The following PDGFRL variants were observed in gnomAD, a reference collection of about 807,000 sequenced individuals.
The protein encoded by PDGFRL is platelet-derived growth factor receptor-like protein.
Under a neutral mutation model 37.2 loss-of-function variants are expected in PDGFRL, and 46 were observed. That is an observed-to-expected ratio of 1.24 (90% CI 0.98 to 1.58). The LOEUF is 1.58. Among genes scored for constraint, PDGFRL ranks in the 40% most tolerant of loss-of-function variants. The pLI is 0.00. For synonymous variants in PDGFRL, 251 were observed against 184.3 expected, an observed-to-expected ratio of 1.36 and a Z score of -2.93; for missense variants, 692 against 467.6, an observed-to-expected ratio of 1.48 and a Z score of -4.43.
chr8:17,580,082 T>A (rs1803673311), intron 1 of PDGFRL, among the ~76,000 whole-genome samples: 1 of 152,196 alleles, frequency 6.6e-6, no homozygotes, highest in South Asian at 2.1e-4. Context: ...AGTGTTAATA[T>A]TGATTTGTGC....
intron 2 of PDGFRL, among the ~76,000 whole-genome samples, chr8:17,612,106 C>T (rs1013960478): frequency 2.6e-5 from 4 of 152,032 alleles, no homozygotes; most frequent in African/African-American, 9.7e-5. Flanking sequence ...GGCAGTGTTT[C>T]CATTAATCAG....
At chr8:17,628,184 TGG>T (rs1325471492) in intron 3 of PDGFRL, among the ~76,000 whole-genome samples, 4 of 151,108 alleles carry the variant, frequency 2.6e-5, no homozygotes, top group Non-Finnish European at 4.4e-5. Flanking sequence ...TTAGTACAGA[TGG>T]GGTTTCACCG....
intron 2 of PDGFRL, among the ~76,000 whole-genome samples, chr8:17,593,824 G>T (rs866928854): frequency 6.6e-6 from 1 of 151,134 alleles, no homozygotes; most frequent in Non-Finnish European, 1.5e-5. Context: ...GGAGGCGGAG[G>T]TTGTGGTGAG....
intron 2 of PDGFRL, among the ~76,000 whole-genome samples, chr8:17,607,093 C>G (rs2588122): frequency 0.93 from 140,901 of 151,900 alleles, 66,043 homozygotes; most frequent in East Asian, 1. Flanking sequence ...ATGGGGTTTC[C>G]TCATGTTGGC....
At chr8:17,634,249 C>CA (rs1563530456) in intron 5 of PDGFRL, 36 bp downstream of exon 5, 1 of 1,543,692 alleles carries the variant, frequency 6.5e-7, no homozygotes, top group Admixed American at 1.8e-5. Flanking sequence ...CCCTGCGTCT[C>CA]AGCCTCTGCA....
In PDGFRL at chr8:17,587,906, A is replaced by G. The variant is rs1171132959; in HGVS notation, c.56-1562A>G. On this transcript the variant is annotated intron_variant, in intron 1 of 5. Coordinates refer to ENST00000251630, the MANE Select transcript of PDGFRL (RefSeq NM_001372073.1). The stretch of plus-strand genomic sequence containing the variant: ...TGGCCTCCCAAAATGCTGGGATTAC[A>G]GGCATGAGCCACCACACCTGGCCTA... Among the ~76,000 whole-genome samples, 6 of 152,270 alleles carry G rather than the reference A, an allele frequency of 3.9e-5. No individual in the cohort carries two copies. In the East Asian group the frequency reaches 9.7e-4, roughly 25 times the overall value.
chr8:17,624,723 A>C (rs559602294), intron 3 of PDGFRL, among the ~76,000 whole-genome samples: 1 of 152,260 alleles, frequency 6.6e-6, no homozygotes, highest in South Asian at 2.1e-4. Context: ...AGCCTAACCA[A>C]CATGGCGAAA....
At chr8:17,577,155 C>T, upstream of PDGFRL, 1 of 1,522,566 alleles carries the variant, frequency 6.6e-7, no homozygotes, top group Non-Finnish European at 8.8e-7. Flanking sequence ...CCTCCCGCTT[C>T]GGCGTCCCAG....
chr8:17,603,793 G>C (rs973207315), intron 2 of PDGFRL, among the ~76,000 whole-genome samples: 2 of 152,158 alleles, frequency 1.3e-5, no homozygotes, highest in African/African-American at 4.8e-5. Flanking sequence ...AAGTCTGTTA[G>C]CAAGTGCCTT....
intron 5 of PDGFRL, among the ~76,000 whole-genome samples, chr8:17,636,613 C>G (rs1804975430): frequency 6.6e-6 from 1 of 151,124 alleles, no homozygotes; most frequent in Admixed American, 6.6e-5. Flanking sequence ...TTTTTGGTTC[C>G]ACATGAATTT....
At chr8:17,632,265 C>G (rs1460622650) in intron 4 of PDGFRL, among the ~76,000 whole-genome samples, 2 of 152,204 alleles carry the variant, frequency 1.3e-5, no homozygotes, top group African/African-American at 4.8e-5. Context: ...TGTCTCTGCC[C>G]TAGACTTATG....
At chr8:17,577,442 C>T in intron 1 of PDGFRL, 135 bp downstream of exon 1, 1 of 733,294 alleles carries the variant, frequency 1.4e-6, no homozygotes, top group South Asian at 1.5e-5. Context: ...CCACTGCCTG[C>T]CCGGTGCACC....
intron 2 of PDGFRL, among the ~76,000 whole-genome samples, chr8:17,613,063 T>C (rs1306280148): frequency 6.6e-6 from 1 of 152,240 alleles, no homozygotes; most frequent in African/African-American, 2.4e-5. Flanking sequence ...AATACTGTAG[T>C]AGGTTTAGCT....
At chr8:17,584,814 A>G (rs1205354317) in intron 1 of PDGFRL, among the ~76,000 whole-genome samples, 2 of 152,022 alleles carry the variant, frequency 1.3e-5, no homozygotes, top group Non-Finnish European at 2.9e-5. Flanking sequence ...ATCTCGTGTA[A>G]GAAAGAATTC....
intron 2 of PDGFRL, among the ~76,000 whole-genome samples, chr8:17,615,883 C>G (rs1804512985): frequency 6.6e-6 from 1 of 152,184 alleles, no homozygotes; most frequent in African/African-American, 2.4e-5. Flanking sequence ...TACTCAAAGC[C>G]TGGGCAAGAG....
chr8:17,618,287 C>T (rs1411912179), intron 2 of PDGFRL, among the ~76,000 whole-genome samples: 4 of 152,148 alleles, frequency 2.6e-5, no homozygotes, highest in African/African-American at 9.7e-5. Context: ...AACTCCTGAG[C>T]TCAAGCGATC....
rs1173852950 is a variant in PDGFRL at position 17,589,503 on chromosome 8, A to G, written c.91A>G (p.Lys31Glu). ...GQHLPKNKRP[K>E]EPGENRIKPT... ...ACACCTTCCCAAGAACAAGCGTCCA[A>G]AAGAACCAGGAGAGAATAGAATCAA... is the stretch of plus-strand genomic sequence containing the variant. The change falls in exon 2 of 6, where the codon AAA becomes GAA. Residue 31 changes from lysine to glutamate, a missense_variant. By Grantham distance (56) the Lys-to-Glu change is moderately conservative. Coordinates refer to ENST00000251630, the MANE Select transcript of PDGFRL (RefSeq NM_001372073.1). The G allele has an allele frequency of 1.9e-6, 3 of 1,613,956 alleles. No individual in the cohort carries two copies. The highest frequency in any genetic ancestry group is 4.5e-5 in the East Asian group (2 of 44,888).
chr8:17,618,348 A>T (rs1483587354), intron 2 of PDGFRL, among the ~76,000 whole-genome samples: 1 of 152,130 alleles, frequency 6.6e-6, no homozygotes, highest in Non-Finnish European at 1.5e-5. Flanking sequence ...GAACCACCGC[A>T]CCTGGCCTGG....
chr8:17,630,710 G>T (rs1486180412), intron 4 of PDGFRL, among the ~76,000 whole-genome samples: 1 of 152,184 alleles, frequency 6.6e-6, no homozygotes, highest in East Asian at 1.9e-4. Flanking sequence ...AAGTAAGTGA[G>T]AGCTGGCAGT....
Sources: gnomAD v4.1 joint callset for allele counts (sites outside exome capture counted in the v4.1 genomes callset) on GRCh38, gnomAD v4.1.1 for gene constraint, MANE v1.5 for transcripts, NCBI Gene and HGNC (gene_info 2026-07-23, HGNC 2026-07-21) for gene names.